NFATC2: variants seen among roughly 807,000 people sequenced by gnomAD.
NFATC2 encodes nuclear factor of activated T cells 2, also known as nuclear factor of activated T-cells, cytoplasmic 2.
A neutral mutation model predicts 87.3 loss-of-function variants in NFATC2; 22 were observed. The observed-to-expected ratio is 0.25, with a 90% confidence interval of 0.18 to 0.36. NFATC2 has a LOEUF of 0.36. Among genes scored for constraint, NFATC2 ranks in the 10% least tolerant of loss-of-function variants. The pLI, the probability that NFATC2 is intolerant of heterozygous loss-of-function variation, is 1.00. For synonymous variants in NFATC2, 565 were observed against 542.2 expected, an observed-to-expected ratio of 1.04 and a Z score of -0.58; for missense variants, 1,149 against 1,259.1, an observed-to-expected ratio of 0.91 and a Z score of 1.32.
At chr20:51,395,307 ATTTAATTAACTTGTATGGTATTGATCC>A (rs59812848) in intron 10 of NFATC2, among the ~76,000 whole-genome samples, 65,573 of 150,298 alleles carry the variant, frequency 0.44, 14,447 homozygotes, top group African/African-American at 0.55. Context: ...CTCAGAGCCT[ATTTAATTAACTTGTATGGTATTGATCC>A]TTTAATTAAC....
At chr20:51,508,249 C>G (rs1301755346) in intron 3 of NFATC2, among the ~76,000 whole-genome samples, 1 of 152,082 alleles carries the variant, frequency 6.6e-6, no homozygotes, top group Non-Finnish European at 1.5e-5. Flanking sequence ...GCAGGCGGGC[C>G]GGTCTCACCA....
chr20:51,559,388 G>C (rs143334286), intron 1 of NFATC2, among the ~76,000 whole-genome samples: 1 of 152,174 alleles, frequency 6.6e-6, no homozygotes, highest in South Asian at 2.1e-4. Flanking sequence ...TGGTATTGGG[G>C]AAAGATCCCA....
chr20:51,511,799 A>G (rs2076275739), intron 3 of NFATC2, among the ~76,000 whole-genome samples: 1 of 152,218 alleles, frequency 6.6e-6, no homozygotes, highest in African/African-American at 2.4e-5. Context: ...TCTAGTCCCC[A>G]GGGAGAAACC....
intron 9 of NFATC2, among the ~76,000 whole-genome samples, chr20:51,401,419 T>C (rs978357051): frequency 2.0e-5 from 3 of 151,736 alleles, no homozygotes; most frequent in Non-Finnish European, 2.9e-5. Flanking sequence ...CTAAAGAAGA[T>C]GGAAGAGAAA....
chr20:51,489,363 G>A (rs779195673), intron 3 of NFATC2, among the ~76,000 whole-genome samples: 1 of 152,210 alleles, frequency 6.6e-6, no homozygotes, highest in Admixed American at 6.5e-5. Context: ...GTGACCTGGA[G>A]TTGAACAGGA....
Position 51,542,662 on chromosome 20 carries a change from C to A in NFATC2, c.-163G>T. 1 of 1,128,732 alleles carries A rather than the reference C, an allele frequency of 8.9e-7. No homozygotes were observed. Among genetic ancestry groups the A allele is most frequent in the South Asian group, 4.3e-5 (1 of 23,224 alleles). The allele number at this position is 1,128,732 out of a possible 1,614,324, so 69.9% of individuals were successfully genotyped here. On this transcript the variant is annotated 5_prime_UTR_variant, in exon 1 of 11. Transcript: ENST00000371564. The stretch of plus-strand genomic sequence containing the variant: ...GGACGGCGCGCCTGGCGCAGCGGGT[C>A]CTGGACGCGCCCGGGGAAGCTGAGC...
intron 3 of NFATC2, among the ~76,000 whole-genome samples, chr20:51,502,055 C>T (rs2076097545): frequency 6.6e-6 from 1 of 152,174 alleles, no homozygotes; most frequent in African/African-American, 2.4e-5. Context: ...GTCTCAAACT[C>T]GAATGTGCAC....
chr20:51,535,744 G>GT (rs953541811), intron 1 of NFATC2, among the ~76,000 whole-genome samples: 6 of 152,048 alleles, frequency 3.9e-5, no homozygotes, highest in Non-Finnish European at 7.4e-5. Flanking sequence ...CAGACTTGGG[G>GT]TTTTTTTTCC....
chr20:51,506,826 C>G (rs1040455581), intron 3 of NFATC2, among the ~76,000 whole-genome samples: 1 of 152,154 alleles, frequency 6.6e-6, no homozygotes, highest in Non-Finnish European at 1.5e-5. Context: ...GCTTAGAAAC[C>G]CACCTAAAGC....
intron 9 of NFATC2, among the ~76,000 whole-genome samples, chr20:51,420,406 T>G (rs1025962091): frequency 6.6e-6 from 1 of 152,132 alleles, no homozygotes; most frequent in African/African-American, 2.4e-5. Context: ...AGCCTCTCAG[T>G]TTTACTGCTA....
intron 3 of NFATC2, among the ~76,000 whole-genome samples, chr20:51,479,896 C>T (rs1025080490): frequency 3.3e-5 from 5 of 152,160 alleles, no homozygotes; most frequent in East Asian, 1.9e-4. Flanking sequence ...CTGTCCTCAG[C>T]GCTTGGTGGA....
intron 3 of NFATC2, among the ~76,000 whole-genome samples, chr20:51,505,922 G>A (rs1338396221): frequency 4.6e-5 from 7 of 152,240 alleles, no homozygotes; most frequent in Admixed American, 3.9e-4. Flanking sequence ...ATCCTAACAC[G>A]ATGGTTCAGA....
chr20:51,503,585 C>G (rs1381370688), intron 3 of NFATC2, among the ~76,000 whole-genome samples: 8 of 152,220 alleles, frequency 5.3e-5, no homozygotes, highest in Admixed American at 3.3e-4. Context: ...AGGTTCTACT[C>G]TCAGATGCTT....
At chr20:51,506,714 C>T (rs1191183997) in intron 3 of NFATC2, among the ~76,000 whole-genome samples, 1 of 150,268 alleles carries the variant, frequency 6.7e-6, no homozygotes, top group Non-Finnish European at 1.5e-5. Context: ...TGAACATCAG[C>T]CTCGGCCTGC....
chr20:51,502,518 A>G (rs957892505), intron 3 of NFATC2, among the ~76,000 whole-genome samples: 1 of 152,076 alleles, frequency 6.6e-6, no homozygotes, highest in Admixed American at 6.6e-5. Flanking sequence ...TTTTTTTGGT[A>G]GAGACAAGGG....
At chr20:51,471,834 C>T (rs1046930838) in intron 5 of NFATC2, among the ~76,000 whole-genome samples, 3 of 152,264 alleles carry the variant, frequency 2.0e-5, no homozygotes, top group East Asian at 3.9e-4. Flanking sequence ...TTTTTTAAAT[C>T]GGGATATTTT....
intron 9 of NFATC2, among the ~76,000 whole-genome samples, chr20:51,420,711 CAAAG>C (rs1439032178): frequency 6.6e-6 from 1 of 152,060 alleles, no homozygotes; most frequent in Non-Finnish European, 1.5e-5. Context: ...ATAATAAAAA[CAAAG>C]AAGAAAACAC....
At chr20:51,406,704 T>A (rs114848837) in intron 9 of NFATC2, among the ~76,000 whole-genome samples, 1,531 of 152,306 alleles carry the variant, frequency 0.01, 30 homozygotes, top group African/African-American at 0.035. Flanking sequence ...GTGGTATCAG[T>A]CTGACTCTGG....
intron 5 of NFATC2, among the ~76,000 whole-genome samples, chr20:51,470,764 G>T (rs1297772099): frequency 6.6e-6 from 1 of 152,184 alleles, no homozygotes; most frequent in East Asian, 1.9e-4. Flanking sequence ...CTACCTCCCT[G>T]TGGATTATAC....
Sources: gnomAD v4.1 joint callset for allele counts (sites outside exome capture counted in the v4.1 genomes callset) on GRCh38, gnomAD v4.1.1 for gene constraint, MANE v1.5 for transcripts, NCBI Gene and HGNC (gene_info 2026-07-23, HGNC 2026-07-21) for gene names.